Variants in LRTM2 observed in about 807,000 individuals in gnomAD.
LRTM2 encodes leucine rich repeat transmembrane protein 2.
LRTM2 carries 18 observed loss-of-function variants against 28.1 expected under a neutral mutation model. The ratio of observed to expected loss-of-function variants is 0.64; its 90% CI spans 0.44 to 0.95. The LOEUF is 0.95. Ranked by LOEUF, LRTM2 falls within the 40% of genes least tolerant of loss-of-function variation. LRTM2 has a pLI of 0.00. For missense variants in LRTM2, 436 were observed against 497.2 expected (o/e 0.88, Z 1.17); for synonymous variants, 250 against 218.7 (o/e 1.14, Z -1.26).
intron 1 of LRTM2, among the ~76,000 whole-genome samples, chr12:1,824,814 A>C (rs1354922832): frequency 6.6e-6 from 1 of 152,122 alleles, no homozygotes; most frequent in African/African-American, 2.4e-5. Context: ...CTAAGGAACT[A>C]GGGAGTGCTG....
chr12:1,830,883 G>A (rs1444206437), intron 3 of LRTM2, 52 bp from the exon 4 acceptor site: 4 of 1,432,316 alleles, frequency 2.8e-6, no homozygotes, highest in Non-Finnish European at 3.8e-6. Context: ...AGAAGCAGGA[G>A]GTGGTGACCC....
chr12:1,834,534 G>T lies in LRTM2; in HGVS notation c.926G>T (p.Gly309Val). ...CCGGCGAGCGTGAGGCGAGCCATGG[G>T]CACGGTGATCATTGCAGGGGTCGTG... The part of the protein sequence containing the change: ...HRPASVRRAM[G>V]TVIIAGVVCG... The change falls in exon 5 of 5, where the codon GGC (glycine) becomes GTC (valine). Residue 309 changes from glycine to valine, a missense_variant. Transcript: ENST00000299194. This position sits in a 1 kb window ranked among gnomAD's most constrained non-coding sequence, Gnocchi z 7.6. 5 of 1,604,950 alleles carry T rather than the reference G, an allele frequency of 3.1e-6. No individual in the cohort carries two copies. The highest frequency in any genetic ancestry group is 4.2e-6 in the Non-Finnish European group (5 of 1,179,910).
At chr12:1,823,204 G>A (rs1285728878) in intron 1 of LRTM2, 3 of 152,598 alleles carry the variant, frequency 2.0e-5, no homozygotes, top group African/African-American at 7.2e-5. Flanking sequence ...CTGGCTGTGT[G>A]TCTTGGATGC....
At chr12:1,822,912 G>T (rs1864165655) in intron 1 of LRTM2, among the ~76,000 whole-genome samples, 1 of 152,198 alleles carries the variant, frequency 6.6e-6, no homozygotes, top group Non-Finnish European at 1.5e-5. Context: ...CACTCTCCGG[G>T]CTCCCTCTCA....
chr12:1,834,326 C>T lies in LRTM2; in HGVS notation c.718C>T (p.Arg240Trp), dbSNP rs370258224. Residue 240 changes from arginine (R) to tryptophan (W), a missense_variant, in exon 5 of 5, where the codon CGG becomes TGG. Physicochemically the swap from Arg to Trp is moderately radical, Grantham distance 101 (BLOSUM62 -3). Coordinates refer to ENST00000299194, the MANE Select transcript of LRTM2 (RefSeq NM_001039029.3). This position sits in a 1 kb window ranked among gnomAD's most constrained non-coding sequence, Gnocchi z 7.6. ...CAAGGAGCTGAGGGGGAAGGACATG[C>T]GGATGGTCCCCATGGAGATGTTCAA... ...LPKELRGKDM[R>W]MVPMEMFNYC... The T allele has an allele frequency of 6.2e-6, 10 of 1,610,676 alleles. No homozygotes were observed. The highest frequency in any genetic ancestry group is 2.7e-5 in the African/African-American group (2 of 74,890).
Position 1,834,839 on chromosome 12 carries a change from C to T in LRTM2, c.*118C>T, listed in dbSNP as rs1027183972. 131 of 1,432,438 alleles carry T rather than the reference C, an allele frequency of 9.1e-5. No homozygotes were observed. The highest frequency in any genetic ancestry group is 1.9e-4 in the Admixed American group (7 of 36,098). 88.7% of individuals were successfully genotyped at this position (1,432,438 alleles called of 1,614,324 possible). A position where few individuals can be genotyped will look rare whatever the true frequency, so the allele number is the denominator to read the frequency against. ...GCCTCCCCGAGTCCACCCTCCTCCC[C>T]GCCCTCCAGCAGACAAGCCACACCG... On this transcript the variant is annotated 3_prime_UTR_variant, in exon 5 of 5. Coordinates refer to ENST00000299194, the MANE Select transcript of LRTM2 (RefSeq NM_001039029.3). This position sits in a 1 kb window ranked among gnomAD's most constrained non-coding sequence, Gnocchi z 7.6.
intron 1 of LRTM2, among the ~76,000 whole-genome samples, chr12:1,824,784 G>A (rs1034441388): frequency 7.9e-5 from 12 of 152,224 alleles, no homozygotes. Context: ...TTTGGATGGA[G>A]GCGTGTTGGT....
At position 1,828,021 on chromosome 12, in the gene LRTM2, G is replaced by A; in HGVS notation, c.-73-55G>A. 1.3e-6 allele frequency: 1 copy of A among 764,750 alleles called. No individual in the cohort carries two copies. Among genetic ancestry groups the A allele is most frequent in the South Asian group, 2.3e-5 (1 of 43,984 alleles). The allele number at this position is 764,750 out of a possible 1,614,324, so 47.4% of individuals were successfully genotyped here. ...CACCCGGGCCCTCTCCCTAACCCCT[G>A]GGCTGGAACGGGGCTCCCGCGCCTG... On this transcript the variant is annotated intron_variant, in intron 2 of 4. Transcript: ENST00000299194. This position sits in a 1 kb window ranked among gnomAD's most constrained non-coding sequence, Gnocchi z 4.2.
At position 1,829,809 on chromosome 12, in the gene LRTM2, T is replaced by C. The variant is rs1363659847; in HGVS notation, c.68-1126T>C. ...TCTGGCTGGGGTCTTTTCTCTAGGC[T>C]GGGTGGAACTGACCTCGGCTGGGCT... On this transcript the variant is annotated intron_variant, in intron 3 of 4. Transcript: ENST00000299194. This position sits in a 1 kb window ranked among gnomAD's most constrained non-coding sequence, Gnocchi z 4.2. 6.6e-6 allele frequency among the ~76,000 whole-genome samples: 1 copy of C among 151,818 alleles called. No individual in the cohort carries two copies. The highest frequency in any genetic ancestry group is 1.5e-5 in the Non-Finnish European group (1 of 67,908).
rs1377895837 is a variant in LRTM2, at chr12:1,834,965, GA to G, written c.*245del. 3.3e-5 allele frequency: 22 copies of G among 674,528 alleles called. No individual in the cohort carries two copies. In the Admixed American group the frequency reaches 5.5e-4, roughly 17 times the overall value. 41.8% of individuals were successfully genotyped at this position (674,528 alleles called of 1,614,324 possible). A position where few individuals can be genotyped will look rare whatever the true frequency, so the allele number is the denominator to read the frequency against. The stretch of plus-strand genomic sequence containing the variant: ...CAGTAAATCTTTGGAACATGTGGGG[GA>G]TCTCCCTAAGCTCTGGCCACAGCAA... On this transcript the variant is annotated 3_prime_UTR_variant, in exon 5 of 5. Transcript: ENST00000299194. This position sits in a 1 kb window ranked among gnomAD's most constrained non-coding sequence, Gnocchi z 7.6.
At chr12:1,821,014 C>T (rs1476737256) in intron 1 of LRTM2, among the ~76,000 whole-genome samples, 200 bp downstream of exon 1, 2 of 152,224 alleles carry the variant, frequency 1.3e-5, no homozygotes, top group Non-Finnish European at 2.9e-5. Context: ...ACACTGGGAA[C>T]TCTGAGCCCA....
Position 1,820,738 on chromosome 12 carries a change from ATAGGAATCC to A in LRTM2, c.-334_-326del. On this transcript the variant is annotated 5_prime_UTR_variant, in exon 1 of 5. Coordinates refer to ENST00000299194, the MANE Select transcript of LRTM2 (RefSeq NM_001039029.3). The surrounding 1 kb of genome is among the most constrained non-coding windows in gnomAD (Gnocchi z 6.0). ...GCCTGCCGGTGGTGTCTGGATTTCT[ATAGGAATCC>A]CAGGAGGGTCTTACTGGAGGGTTGA... 6.6e-6 allele frequency: 1 copy of A among 152,424 alleles called. No homozygotes were observed. The highest frequency in any genetic ancestry group is 1.9e-4 in the East Asian group (1 of 5,184). The allele number at this position is 152,424 out of a possible 1,614,324, so 9.4% of individuals were successfully genotyped here.
At chr12:1,826,656 GA>G (rs1864342565) in intron 1 of LRTM2, among the ~76,000 whole-genome samples, 2 of 152,196 alleles carry the variant, frequency 1.3e-5, no homozygotes, top group Admixed American at 1.3e-4. Context: ...GGAAGGGGAG[GA>G]AAGACAGCCG....
In LRTM2 at chr12:1,834,259, G is replaced by A; in HGVS notation, c.659-8G>A. ...TGGTCAGCCCCTCTTTTTCTCTTCT[G>A]CATGTAGGGGGACGCTTGGACCAGC... On this transcript the variant is annotated splice_polypyrimidine_tract_variant and splice_region_variant and intron_variant, in intron 4 of 4. Transcript: ENST00000299194. This position sits in a 1 kb window ranked among gnomAD's most constrained non-coding sequence, Gnocchi z 7.6. The A allele has an allele frequency of 1.3e-6, 2 of 1,550,834 alleles. No individual in the cohort carries two copies. Among genetic ancestry groups the A allele is most frequent in the Non-Finnish European group, 1.7e-6 (2 of 1,146,576 alleles).
chr12:1,825,499 A>T (rs1864276673), intron 1 of LRTM2, among the ~76,000 whole-genome samples: 1 of 152,168 alleles, frequency 6.6e-6, no homozygotes, highest in South Asian at 2.1e-4. Context: ...CGGCTTACAC[A>T]TCTGTCTGTT....
chr12:1,833,591 G>A lies in LRTM2; in HGVS notation c.659-676G>A, dbSNP rs1474134466. 2.0e-5 allele frequency among the ~76,000 whole-genome samples: 3 copies of A among 152,198 alleles called. No homozygotes were observed. The highest frequency in any genetic ancestry group is 7.2e-5 in the African/African-American group (3 of 41,456). The stretch of plus-strand genomic sequence containing the variant: ...CCTCCAGATGCCTTTGTACTTACAG[G>A]GCTGTGGTTGGGGCACCGATGGGGC... On this transcript the variant is annotated intron_variant, in intron 4 of 4. Transcript: ENST00000299194. The surrounding 1 kb of genome is among the most constrained non-coding windows in gnomAD (Gnocchi z 4.2).
rs1476701657 is a variant in LRTM2, at chr12:1,828,187, G to T, written c.39G>T (p.Arg13Ser). ...GCAGCAGCCCTGGGCAGAGGGGCAGGCTCGCCCTGCAGTGGAGGCAAGTCT... is the reference window on the plus strand; with the variant it reads ...GCAGCAGCCCTGGGCAGAGGGGCAGTCTCGCCCTGCAGTGGAGGCAAGTCT... ...APGSSPGQRG[R>S]LALQWRQVSW... Residue 13 changes from arginine (R) to serine (S), a missense_variant, in exon 3 of 5, where the codon AGG becomes AGT. Coordinates refer to ENST00000299194, the MANE Select transcript of LRTM2 (RefSeq NM_001039029.3). This position sits in a 1 kb window ranked among gnomAD's most constrained non-coding sequence, Gnocchi z 4.2. 1.8e-5 allele frequency: 28 copies of T among 1,547,002 alleles called. No individual in the cohort carries two copies. The highest frequency in any genetic ancestry group is 2.2e-5 in the Non-Finnish European group (25 of 1,145,460).
intron 4 of LRTM2, among the ~76,000 whole-genome samples, chr12:1,831,747 A>ACCCCCCCCCCCCCCCCCCCCCTCCTCCC (rs1555178968): frequency 8.7e-6 from 1 of 114,316 alleles, no homozygotes; most frequent in African/African-American, 3.3e-5. Flanking sequence ...TGCTCCCTCC[A>ACCCCCCCCCCCCCCCCCCCCCTCCTCCC]CCCCCACCCT....
chr12:1,832,103 T>C (rs920212152), intron 4 of LRTM2, among the ~76,000 whole-genome samples: 1 of 152,234 alleles, frequency 6.6e-6, no homozygotes, highest in Non-Finnish European at 1.5e-5. Flanking sequence ...CTTTACTTTC[T>C]TCCCTTCCCA....
Sources: allele counts gnomAD v4.1 joint callset (sites outside exome capture counted in the v4.1 genomes callset), GRCh38; gene constraint gnomAD v4.1.1; non-coding constraint Gnocchi (gnomAD v3.1); transcripts MANE v1.5; gene names NCBI Gene and HGNC (gene_info 2026-07-23, HGNC 2026-07-21).